GRIK4: variants seen among roughly 807,000 people sequenced by gnomAD.
The protein encoded by GRIK4 is glutamate receptor ionotropic, kainate 4.
In GRIK4, 40 loss-of-function variants were observed where a neutral mutation model predicts 104.9. The ratio of observed to expected loss-of-function variants is 0.38; its 90% CI spans 0.30 to 0.50. The LOEUF (loss-of-function observed/expected upper bound fraction) is 0.50. GRIK4 is among the 20% of genes least tolerant of loss of function. The probability of loss-of-function intolerance (pLI) is 0.93; values close to 1 mark genes in which losing one functional copy is unlikely to be tolerated. For synonymous variants in GRIK4, 485 were observed against 524.9 expected (o/e 0.92, Z 1.04); for missense variants, 1,047 against 1,308.1 (o/e 0.80, Z 3.08).
intron 1 of GRIK4, among the ~76,000 whole-genome samples, chr11:120,609,478 C>A (rs549109193): frequency 1.4e-5 from 2 of 148,014 alleles, no homozygotes; most frequent in African/African-American, 2.5e-5. Flanking sequence ...CTTTGTTTTT[C>A]CCTCTCTGCT....
intron 11 of GRIK4, among the ~76,000 whole-genome samples, chr11:120,889,462 T>G: frequency 6.6e-6 from 1 of 151,626 alleles, no homozygotes. Flanking sequence ...TCTTTCCTAG[T>G]AAGAACTTCA....
chr11:120,876,115 A>C (rs892986921), intron 11 of GRIK4, among the ~76,000 whole-genome samples: 1 of 151,370 alleles, frequency 6.6e-6, no homozygotes, highest in Non-Finnish European at 1.5e-5. Context: ...AAGAATCATC[A>C]TCATCATCAC....
intron 2 of GRIK4, among the ~76,000 whole-genome samples, chr11:120,659,205 A>G (rs1949771394): frequency 6.6e-6 from 1 of 152,100 alleles, no homozygotes; most frequent in Admixed American, 6.5e-5. Flanking sequence ...GGGGAGAGGC[A>G]GCTCCCTGCA....
In GRIK4 at chr11:120,752,115, C is replaced by T. The variant is rs114118177; in HGVS notation, c.83-50578C>T. Among the ~76,000 whole-genome samples, 716 of 152,310 alleles carry T rather than the reference C, an allele frequency of 4.7e-3. 6 individuals carry two copies. Among genetic ancestry groups the T allele is most frequent in the African/African-American group, 0.017 (687 of 41,568 alleles). ...GTGAAGGGTCTCGTGCATCCTCCCA[C>T]AACCTGTGAAGAAGAGATCACCAAC... On this transcript the variant is annotated intron_variant, in intron 3 of 20. Coordinates refer to ENST00000527524, the MANE Select transcript of GRIK4 (RefSeq NM_014619.5).
intron 1 of GRIK4, among the ~76,000 whole-genome samples, chr11:120,523,869 A>G (rs559573810): frequency 8.7e-4 from 131 of 150,870 alleles, no homozygotes; most frequent in African/African-American, 3.1e-3. Flanking sequence ...AGAGATCATC[A>G]TCTGTCTCCC....
chr11:120,513,052 C>A lies in GRIK4; in HGVS notation c.-159+1165C>A, dbSNP rs2136066968. On this transcript the variant is annotated intron_variant, in intron 1 of 20. Coordinates refer to ENST00000527524, the MANE Select transcript of GRIK4 (RefSeq NM_014619.5). The surrounding 1 kb of genome is among the most constrained non-coding windows in gnomAD (Gnocchi z 4.5). ...GTCTGGTGATGCCACGCGGTGCCAC[C>A]TCCCTGCCTCCCTCCAGTGGCTCTC... is the stretch of plus-strand genomic sequence containing the variant. 6.6e-6 allele frequency among the ~76,000 whole-genome samples: 1 copy of A among 152,250 alleles called. No individual in the cohort carries two copies. The highest frequency in any genetic ancestry group is 1.5e-5 in the Non-Finnish European group (1 of 68,018).
intron 11 of GRIK4, among the ~76,000 whole-genome samples, chr11:120,887,607 G>C (rs536966599): frequency 1.3e-4 from 20 of 152,274 alleles, no homozygotes; most frequent in Admixed American, 3.9e-4. Flanking sequence ...TATAGGCCAG[G>C]CACTGCCCTG....
chr11:120,927,156 G>A (rs977515651), intron 13 of GRIK4, among the ~76,000 whole-genome samples: 11 of 148,866 alleles, frequency 7.4e-5, no homozygotes, highest in Admixed American at 4.8e-4. Flanking sequence ...TATCACCAAC[G>A]CCTGGTGGGC....
intron 1 of GRIK4, among the ~76,000 whole-genome samples, chr11:120,554,657 C>G (rs1948171127): frequency 6.6e-6 from 1 of 151,990 alleles, no homozygotes; most frequent in Non-Finnish European, 1.5e-5. Context: ...CTCCCGGGTT[C>G]AAGCGATTCT....
At chr11:120,763,098 A>G (rs1204489654) in intron 3 of GRIK4, among the ~76,000 whole-genome samples, 5 of 152,158 alleles carry the variant, frequency 3.3e-5, no homozygotes, top group Non-Finnish European at 7.3e-5. Flanking sequence ...TTGGTAGGCT[A>G]TTAATTACTG....
At chr11:120,547,458 C>T (rs1302866283) in intron 1 of GRIK4, among the ~76,000 whole-genome samples, 1 of 152,226 alleles carries the variant, frequency 6.6e-6, no homozygotes, top group East Asian at 1.9e-4. Flanking sequence ...CGGCGGTGAC[C>T]ACATGCTCAC....
At chr11:120,896,683 C>T (rs530400739) in intron 11 of GRIK4, among the ~76,000 whole-genome samples, 1 of 152,378 alleles carries the variant, frequency 6.6e-6, no homozygotes, top group South Asian at 2.1e-4. Flanking sequence ...CACTCTCAGT[C>T]CTCTGGCCCC....
At chr11:120,665,626 A>G (rs1949900367) in intron 3 of GRIK4, among the ~76,000 whole-genome samples, 1 of 152,228 alleles carries the variant, frequency 6.6e-6, no homozygotes, top group African/African-American at 2.4e-5. Context: ...GTCAGTTTGC[A>G]AACTTCTCTT....
chr11:120,795,801 G>A (rs183773571), intron 3 of GRIK4, among the ~76,000 whole-genome samples: 1 of 152,206 alleles, frequency 6.6e-6, no homozygotes, highest in East Asian at 1.9e-4. Flanking sequence ...TATCCACTGG[G>A]GATTGGTTCC....
chr11:120,633,818 G>C (rs1949362339), intron 1 of GRIK4, among the ~76,000 whole-genome samples: 1 of 152,152 alleles, frequency 6.6e-6, no homozygotes, highest in South Asian at 2.1e-4. Context: ...GGGAAGTGTG[G>C]CTGGGCATGG....
intron 9 of GRIK4, chr11:120,873,213 C>T (rs551695992): frequency 2.0e-5 from 3 of 152,560 alleles, no homozygotes; most frequent in African/African-American, 7.2e-5. Context: ...CTCCTCTGCC[C>T]TCCTCTCCTT....
intron 3 of GRIK4, among the ~76,000 whole-genome samples, chr11:120,793,526 A>G (rs182504558): frequency 1.4e-4 from 22 of 152,236 alleles, no homozygotes; most frequent in Middle Eastern, 3.4e-3. Context: ...CACAAAGTCA[A>G]CCAGCTCACT....
At chr11:120,914,634 C>T (rs531842812) in intron 13 of GRIK4, among the ~76,000 whole-genome samples, 4 of 152,186 alleles carry the variant, frequency 2.6e-5, no homozygotes, top group African/African-American at 9.6e-5. Flanking sequence ...CAACTGGAGC[C>T]AAGCATGAGA....
chr11:120,666,353 G>C (rs893948613), intron 3 of GRIK4, among the ~76,000 whole-genome samples: 1 of 152,242 alleles, frequency 6.6e-6, no homozygotes, highest in Non-Finnish European at 1.5e-5. Context: ...TCTGAGGACA[G>C]CGTTGGGACA....
Sources: allele counts gnomAD v4.1 joint callset (sites outside exome capture counted in the v4.1 genomes callset), GRCh38; gene constraint gnomAD v4.1.1; non-coding constraint Gnocchi (gnomAD v3.1); transcripts MANE v1.5; gene names NCBI Gene and HGNC (gene_info 2026-07-23, HGNC 2026-07-21).